CSPG5: variants seen among roughly 807,000 people sequenced by gnomAD.
CSPG5 encodes chondroitin sulfate proteoglycan 5, also known as acidic leucine-rich EGF-like domain-containing brain protein.
Under a neutral mutation model 39.8 loss-of-function variants are expected in CSPG5, and 25 were observed. That is an observed-to-expected ratio of 0.63 (90% CI 0.46 to 0.88). CSPG5 has a LOEUF of 0.88. Ranked by LOEUF, CSPG5 falls within the 40% of genes least tolerant of loss-of-function variation. The probability of loss-of-function intolerance (pLI) is 0.00; values close to 1 mark genes in which losing one functional copy is unlikely to be tolerated. For missense variants in CSPG5, 627 were observed against 702.2 expected (o/e 0.89, Z 1.21); for synonymous variants, 295 against 303.9 (o/e 0.97, Z 0.31).
intron 4 of CSPG5, among the ~76,000 whole-genome samples, chr3:47,563,615 T>A (rs927251687): frequency 6.6e-6 from 1 of 152,172 alleles, no homozygotes; most frequent in Non-Finnish European, 1.5e-5. Context: ...AGTACAGTAG[T>A]GTGATCTCGG....
chr3:47,570,328 C>A (rs1437611105), intron 3 of CSPG5, among the ~76,000 whole-genome samples: 2 of 151,606 alleles, frequency 1.3e-5, no homozygotes, highest in African/African-American at 4.9e-5. Context: ...GGACTCGAAC[C>A]CTTGGGCTCA....
Position 47,577,805 on chromosome 3 carries a change from G to T in CSPG5, c.221C>A (p.Ser74Ter). Residue 74 changes from serine to a stop codon, truncating the protein, a stop_gained, in exon 2 of 5, where the codon TCG (serine) becomes TAG (stop). Transcript: ENST00000264723. LOFTEE classifies it high-confidence loss of function. The surrounding 1 kb of genome is among the most constrained non-coding windows in gnomAD (Gnocchi z 4.7). The part of the protein sequence containing the change: ...GPPAAGEDEA[S>*]WTAPGGELAG... ...CAGCTCGCCACCGGGCGCCGTCCACGACGCCTCATCTTCCCCAGCCGCTGG... is the reference window on the plus strand; with the variant it reads ...CAGCTCGCCACCGGGCGCCGTCCACTACGCCTCATCTTCCCCAGCCGCTGG... 1 of 1,581,346 alleles carries T rather than the reference G, an allele frequency of 6.3e-7. No individual in the cohort carries two copies. Among genetic ancestry groups the T allele is most frequent in the Non-Finnish European group, 8.5e-7 (1 of 1,172,550 alleles).
At position 47,572,688 on chromosome 3, in the gene CSPG5, G is replaced by A. The variant is rs769439674; in HGVS notation, c.1380C>T (p.Thr460=). 1.1e-5 allele frequency: 18 copies of A among 1,612,994 alleles called. No individual in the cohort carries two copies. Among genetic ancestry groups the A allele is most frequent in the Non-Finnish European group, 1.5e-5 (18 of 1,179,210 alleles). ...LKTENTKLRR[T]NKFRTPSELH... is the part of the protein sequence containing the mutation. ...ATGGGTGAGTGACACAGACTCACTT[G>A]GTCCTACGCAGCTTGGTATTCTCCG... is the stretch of plus-strand genomic sequence containing the variant. The change falls in exon 3 of 5, where the codon ACC becomes ACT. Residue 460 remains threonine, a splice_region_variant and synonymous_variant. Coordinates refer to ENST00000264723, the MANE Select transcript of CSPG5 (RefSeq NM_006574.4). The surrounding 1 kb of genome is among the most constrained non-coding windows in gnomAD (Gnocchi z 4.5).
intron 4 of CSPG5, among the ~76,000 whole-genome samples, chr3:47,565,680 G>C (rs564296563): frequency 8.3e-6 from 1 of 120,864 alleles, no homozygotes; most frequent in East Asian, 2.5e-4. Context: ...GAGTTAAATA[G>C]GAAAAAAAAA....
chr3:47,562,684 C>T lies in CSPG5; in HGVS notation c.1536G>A (p.Gln512=). ...CCTCAAGTTTGGGCGACATGGAGTT[C>T]TGGATGTTAAATGACTCCTCCTCTT... is the stretch of plus-strand genomic sequence containing the variant. ...CLKEEESFNI[Q]NSMSPKLEGG... Residue 512 remains glutamine (Q), a synonymous_variant, in exon 5 of 5, where the codon CAG becomes CAA. Transcript: ENST00000264723. 1 of 1,613,800 alleles carries T rather than the reference C, an allele frequency of 6.2e-7. No individual in the cohort carries two copies. Among genetic ancestry groups the T allele is most frequent in the Non-Finnish European group, 8.5e-7 (1 of 1,179,964 alleles).
At chr3:47,579,048 G>A (rs999437441), upstream of CSPG5, 4 of 157,722 alleles carry the variant, frequency 2.5e-5, no homozygotes, top group Non-Finnish European at 5.5e-5. The surrounding 1 kb of genome is among the most constrained non-coding windows in gnomAD (Gnocchi z 4.2). Context: ...CAGGCGGACG[G>A]GGAGCGCGAG....
intron 2 of CSPG5, among the ~76,000 whole-genome samples, chr3:47,574,238 G>T (rs987062583): frequency 6.6e-6 from 1 of 152,164 alleles, no homozygotes; most frequent in Non-Finnish European, 1.5e-5. Context: ...TCTTCCACTT[G>T]GGAATTTTCT....
chr3:47,562,788 G>C (rs1023043517), intron 4 of CSPG5, 27 bp from the exon 5 acceptor site: 9 of 1,547,126 alleles, frequency 5.8e-6, no homozygotes, highest in East Asian at 2.3e-5. Flanking sequence ...GTTGGGGGGG[G>C]GGAGACAATG....
chr3:47,563,380 A>C (rs903703236), intron 4 of CSPG5, among the ~76,000 whole-genome samples: 3 of 152,118 alleles, frequency 2.0e-5, no homozygotes, highest in Non-Finnish European at 4.4e-5. Context: ...TCCAAGCCCG[A>C]ATGACCCTGG....
At position 47,562,784 on chromosome 3, in the gene CSPG5, G is replaced by T. The variant is rs773894819; in HGVS notation, c.1459-23C>A. On this transcript the variant is annotated intron_variant, in intron 4 of 4. Coordinates refer to ENST00000264723, the MANE Select transcript of CSPG5 (RefSeq NM_006574.4). ...ATCCTGGAAGAGGGAAAAAGTTGGGGGGGGGGAGACAATGCATACAGCAAC... is the reference window on the plus strand; with the variant it reads ...ATCCTGGAAGAGGGAAAAAGTTGGGTGGGGGGAGACAATGCATACAGCAAC... The T allele has an allele frequency of 5.0e-5, 80 of 1,584,628 alleles. No individual in the cohort carries two copies. The African/African-American group carries it at 5.1e-4, about 10-fold the overall frequency.
chr3:47,578,857 G>GCCGCGCCT lies in CSPG5; in HGVS notation c.-172_-165dup, dbSNP rs1291073434. 1 of 147,904 alleles carries GCCGCGCCT rather than the reference G, an allele frequency of 6.8e-6. No individual in the cohort carries two copies. Among genetic ancestry groups the GCCGCGCCT allele is most frequent in the African/African-American group, 2.5e-5 (1 of 40,764 alleles). 9.2% of individuals were successfully genotyped at this position (147,904 alleles called of 1,614,324 possible). ...CGCCGTCCGCCGCTGTCCCCGGCGC[G>GCCGCGCCT]CCGCGCCTCCCCGCCTCCCGCGCCG... On this transcript the variant is annotated 5_prime_UTR_variant, in exon 1 of 5. Coordinates refer to ENST00000264723, the MANE Select transcript of CSPG5 (RefSeq NM_006574.4). This position sits in a 1 kb window ranked among gnomAD's most constrained non-coding sequence, Gnocchi z 6.0.
Position 47,578,130 on chromosome 3 carries a change from A to G in CSPG5, c.98-202T>C. 1.2e-6 allele frequency: 1 copy of G among 809,368 alleles called. No homozygotes were observed. The allele number at this position is 809,368 out of a possible 1,614,324, so 50.1% of individuals were successfully genotyped here. A position where few individuals can be genotyped will look rare whatever the true frequency, so the allele number is the denominator to read the frequency against. ...GGAGTCTGCCCCCAAGACGAGGATC[A>G]CACCCCGCCCAACGCCTCGCGGCTC... On this transcript the variant is annotated intron_variant, in intron 1 of 4. Transcript: ENST00000264723. The surrounding 1 kb of genome is among the most constrained non-coding windows in gnomAD (Gnocchi z 6.0).
In CSPG5 at chr3:47,576,923, C is replaced by G. The variant is rs1459887435; in HGVS notation, c.1103G>C (p.Gly368Ala). The change falls in exon 2 of 5, where the codon GGC becomes GCC. Residue 368 changes from glycine (G) to alanine (A), a missense_variant. Transcript: ENST00000264723. ...ECRSGFVRHN[G>A]SCRSVCDLFP... is the part of the protein sequence containing the mutation. Reference sequence around the variant, plus strand: ...GAGGTCGCACACTGACCGGCAGGAGCCGTTATGCCGCACAAAGCCACTGCG... The same window carrying G: ...GAGGTCGCACACTGACCGGCAGGAGGCGTTATGCCGCACAAAGCCACTGCG... The G allele has an allele frequency of 6.8e-6, 11 of 1,612,008 alleles. No individual in the cohort carries two copies. In the African/African-American group the frequency reaches 1.3e-4, roughly 20 times the overall value.
At position 47,569,206 on chromosome 3, in the gene CSPG5, C is replaced by G. The variant is rs1416469307; in HGVS notation, c.1404G>C (p.Glu468Asp). The change falls in exon 4 of 5, where the codon GAG becomes GAC. Residue 468 changes from glutamate (E) to aspartate (D), a missense_variant. Physicochemically the swap from Glu to Asp is conservative, Grantham distance 45. Transcript: ENST00000264723. ...RRTNKFRTPSELHNDNFSLST... is the reference protein window; with the variant it reads ...RRTNKFRTPSDLHNDNFSLST... ...AGAGGGAGAAGTTATCATTGTGGAG[C>G]TCAGATGGGGTCCGGAATTTGCTGG... 1.2e-6 allele frequency: 2 copies of G among 1,613,522 alleles called. No individual in the cohort carries two copies. The highest frequency in any genetic ancestry group is 3.3e-5 in the Admixed American group (2 of 59,980).
At chr3:47,575,781 G>C (rs1168051852) in intron 2 of CSPG5, among the ~76,000 whole-genome samples, 1 of 152,052 alleles carries the variant, frequency 6.6e-6, no homozygotes, top group Non-Finnish European at 1.5e-5. Flanking sequence ...CCGAGCACAA[G>C]GCATGGAGCG....
At chr3:47,569,123 G>A (rs753978295) in intron 4 of CSPG5, 29 bp downstream of exon 4, 8 of 1,600,500 alleles carry the variant, frequency 5.0e-6, no homozygotes, top group South Asian at 1.1e-5. Flanking sequence ...GGGGGAGGAG[G>A]TACGGGGAGT....
At position 47,578,295 on chromosome 3, in the gene CSPG5, G is replaced by C. The variant is rs558899284; in HGVS notation, c.97+302C>G. Among the ~76,000 whole-genome samples, 2 of 147,696 alleles carry C rather than the reference G, an allele frequency of 1.4e-5. No individual in the cohort carries two copies. The highest frequency in any genetic ancestry group is 5.0e-5 in the African/African-American group (2 of 39,856). ...CGCCCTCAGCTCCAGGTCCCGCCCCGAAGTCTCACCCTCAGGCCCCGCCCC... is the reference window on the plus strand; with the variant it reads ...CGCCCTCAGCTCCAGGTCCCGCCCCCAAGTCTCACCCTCAGGCCCCGCCCC... On this transcript the variant is annotated intron_variant, in intron 1 of 4. Coordinates refer to ENST00000264723, the MANE Select transcript of CSPG5 (RefSeq NM_006574.4). The surrounding 1 kb of genome is among the most constrained non-coding windows in gnomAD (Gnocchi z 6.0).
chr3:47,572,593 G>A lies in CSPG5; in HGVS notation c.1382+93C>T, dbSNP rs530554451. The A allele has an allele frequency of 9.7e-6, 11 of 1,130,180 alleles. No individual in the cohort carries two copies. The highest frequency in any genetic ancestry group is 4.6e-5 in the African/African-American group (3 of 65,004). 70.0% of individuals were successfully genotyped at this position (1,130,180 alleles called of 1,614,324 possible). ...GAGCACAGGTGCCAGAAACCCTCAC[G>A]ACAAAGTCCCTGGATCAGTTGGAGG... On this transcript the variant is annotated intron_variant, in intron 3 of 4. Coordinates refer to ENST00000264723, the MANE Select transcript of CSPG5 (RefSeq NM_006574.4). This position sits in a 1 kb window ranked among gnomAD's most constrained non-coding sequence, Gnocchi z 4.5.
At chr3:47,574,740 C>T (rs1393483313) in intron 2 of CSPG5, among the ~76,000 whole-genome samples, 1 of 152,044 alleles carries the variant, frequency 6.6e-6, no homozygotes, top group Non-Finnish European at 1.5e-5. Context: ...GAGATTGAAA[C>T]CATCCTGGCT....
Sources: allele counts gnomAD v4.1 joint callset (sites outside exome capture counted in the v4.1 genomes callset), GRCh38; gene constraint gnomAD v4.1.1; non-coding constraint Gnocchi (gnomAD v3.1); transcripts MANE v1.5; gene names NCBI Gene and HGNC (gene_info 2026-07-23, HGNC 2026-07-21).